Variants in SYNPR observed in about 807,000 individuals in gnomAD.
SYNPR encodes the protein synaptoporin.
SYNPR carries 23 observed loss-of-function variants against 32.9 expected under a neutral mutation model. The ratio of observed to expected loss-of-function variants is 0.70; its 90% CI spans 0.50 to 0.99. The LOEUF (loss-of-function observed/expected upper bound fraction) is 0.99. Among genes scored for constraint, SYNPR ranks in the 50% least tolerant of loss-of-function variants. The pLI, the probability that SYNPR is intolerant of heterozygous loss-of-function variation, is 0.00. For missense variants in SYNPR, 318 were observed against 349.3 expected (o/e 0.91, Z 0.71); for synonymous variants, 146 against 135.9 (o/e 1.07, Z -0.52).
In SYNPR at chr3:63,491,982, C is replaced by T. The variant is rs77494608; in HGVS notation, c.209+11026C>T. 9.4e-3 allele frequency among the ~76,000 whole-genome samples: 1,428 copies of T among 152,072 alleles called. 23 individuals are homozygous for T. The highest frequency in any genetic ancestry group is 0.032 in the African/African-American group (1,346 of 41,468). On this transcript the variant is annotated intron_variant, in intron 3 of 5. Coordinates refer to ENST00000478300, the MANE Select transcript of SYNPR (RefSeq NM_001130003.2). ...AAGAGGCACGATAAGAGGAAGTGGT[C>T]TTGTTAGAGCCCAAGGTGGAACCTG...
At chr3:63,568,062 G>A (rs1702822755) in intron 4 of SYNPR, among the ~76,000 whole-genome samples, 1 of 152,096 alleles carries the variant, frequency 6.6e-6, no homozygotes, top group Non-Finnish European at 1.5e-5. Context: ...ACTGAAAAAA[G>A]TGAAATTATT....
At chr3:63,476,023 G>A (rs1700895561) in intron 2 of SYNPR, among the ~76,000 whole-genome samples, 1 of 150,020 alleles carries the variant, frequency 6.7e-6, no homozygotes, top group African/African-American at 2.5e-5. Flanking sequence ...CGTAAAAAGT[G>A]GAAGAAAGGT....
chr3:63,397,707 C>A (rs1227913459), intron 2 of SYNPR, among the ~76,000 whole-genome samples: 3 of 152,136 alleles, frequency 2.0e-5, no homozygotes, highest in Non-Finnish European at 4.4e-5. Context: ...TCAACCTATA[C>A]CCTGCCACTG....
chr3:63,246,953 T>G (rs779480335), intron 1 of SYNPR, among the ~76,000 whole-genome samples: 2 of 152,200 alleles, frequency 1.3e-5, no homozygotes, highest in Non-Finnish European at 2.9e-5. Context: ...AGGCAAAAAG[T>G]TTAGCATATG....
At chr3:63,352,458 A>G (rs1304818266) in intron 2 of SYNPR, among the ~76,000 whole-genome samples, 1 of 152,164 alleles carries the variant, frequency 6.6e-6, no homozygotes, top group Non-Finnish European at 1.5e-5. Context: ...TTGGGAAAAC[A>G]CTTATTTATC....
At chr3:63,250,350 T>A (rs1022883043) in intron 1 of SYNPR, among the ~76,000 whole-genome samples, 3 of 148,942 alleles carry the variant, frequency 2.0e-5, no homozygotes, top group Non-Finnish European at 3.0e-5. Flanking sequence ...TAAAATAAAA[T>A]AAAAATAAAA....
chr3:63,422,627 A>C (rs1699821085), intron 2 of SYNPR, among the ~76,000 whole-genome samples: 1 of 152,222 alleles, frequency 6.6e-6, no homozygotes, highest in Non-Finnish European at 1.5e-5. Flanking sequence ...ATTTTCACCC[A>C]TCAGATTGGC....
chr3:63,489,679 G>A (rs1172178973), intron 3 of SYNPR, among the ~76,000 whole-genome samples: 1 of 152,148 alleles, frequency 6.6e-6, no homozygotes, highest in African/African-American at 2.4e-5. Context: ...TTGGAGACGG[G>A]AGAAAGACAA....
intron 3 of SYNPR, among the ~76,000 whole-genome samples, chr3:63,497,511 C>T (rs910779432): frequency 2.6e-5 from 4 of 151,202 alleles, no homozygotes; most frequent in African/African-American, 9.7e-5. Flanking sequence ...AGAGTAAATG[C>T]CATGGATAAT....
At chr3:63,257,726 C>T (rs1333636069) in intron 2 of SYNPR, among the ~76,000 whole-genome samples, 55 of 152,178 alleles carry the variant, frequency 3.6e-4, no homozygotes, top group Admixed American at 3.1e-3. Context: ...CAATATTAAC[C>T]TTAAATGTAA....
intron 4 of SYNPR, among the ~76,000 whole-genome samples, chr3:63,599,361 CCTAT>C (rs142178699): frequency 0.028 from 4,241 of 152,212 alleles, 94 homozygotes; most frequent in Non-Finnish European, 0.045. Flanking sequence ...TGGTAACTGC[CCTAT>C]CTAAGTGTAC....
At chr3:63,514,078 G>C (rs913896874) in intron 3 of SYNPR, among the ~76,000 whole-genome samples, 4 of 152,114 alleles carry the variant, frequency 2.6e-5, no homozygotes, top group African/African-American at 9.7e-5. Context: ...AGAGAGCTAG[G>C]AGTCTGATTC....
chr3:63,422,915 T>G (rs1346865087), intron 2 of SYNPR, among the ~76,000 whole-genome samples: 2 of 152,016 alleles, frequency 1.3e-5, no homozygotes, highest in Non-Finnish European at 2.9e-5. Context: ...ATTAGACAAA[T>G]GAATAAGCAT....
intron 2 of SYNPR, among the ~76,000 whole-genome samples, chr3:63,420,360 G>A (rs1173969533): frequency 6.6e-6 from 1 of 152,140 alleles, no homozygotes; most frequent in African/African-American, 2.4e-5. Flanking sequence ...TATTGGTATA[G>A]CAGTAATCAA....
At chr3:63,527,439 CA>C (rs1374349142) in intron 3 of SYNPR, among the ~76,000 whole-genome samples, 1 of 151,954 alleles carries the variant, frequency 6.6e-6, no homozygotes, top group Non-Finnish European at 1.5e-5. Flanking sequence ...ATGCAAGCAG[CA>C]ATCAGTAGCT....
chr3:63,383,082 T>C (rs2087993511), intron 2 of SYNPR, among the ~76,000 whole-genome samples: 1 of 152,230 alleles, frequency 6.6e-6, no homozygotes, highest in South Asian at 2.1e-4. Context: ...CATTTAGTCA[T>C]TTCACTCCTA....
intron 2 of SYNPR, among the ~76,000 whole-genome samples, chr3:63,317,382 C>G (rs2087054691): frequency 6.6e-6 from 1 of 151,684 alleles, no homozygotes; most frequent in African/African-American, 2.4e-5. Context: ...TTTATTGGGT[C>G]TATTGGTAAT....
chr3:63,381,925 G>A (rs149223397), intron 2 of SYNPR, among the ~76,000 whole-genome samples: 314 of 151,874 alleles, frequency 2.1e-3, no homozygotes, highest in African/African-American at 7.2e-3. Flanking sequence ...ATTTATTTAC[G>A]CACAACTTAA....
In SYNPR at chr3:63,396,791, G is replaced by C. The variant is rs535524612; in HGVS notation, c.85-84041G>C. On this transcript the variant is annotated intron_variant, in intron 2 of 5. Coordinates refer to ENST00000478300, the MANE Select transcript of SYNPR (RefSeq NM_001130003.2). ...CTTGAGTACTAGACAGAATAAGAGG[G>C]AACAGCCTAAAACTTTAAAAACATT... Among the ~76,000 whole-genome samples the C allele has an allele frequency of 7.9e-5, 12 of 152,268 alleles. No homozygotes were observed. The East Asian group carries it at 2.3e-3, about 29-fold the overall frequency.
Sources: gnomAD v4.1 joint callset for allele counts (sites outside exome capture counted in the v4.1 genomes callset) on GRCh38, gnomAD v4.1.1 for gene constraint, MANE v1.5 for transcripts, NCBI Gene and HGNC (gene_info 2026-07-23, HGNC 2026-07-21) for gene names.